EXOSC9: variants seen among roughly 807,000 people sequenced by gnomAD.
EXOSC9 encodes the protein exosome complex component RRP45.
Under a neutral mutation model 56.5 loss-of-function variants are expected in EXOSC9, and 38 were observed. The ratio of observed to expected loss-of-function variants is 0.67; its 90% CI spans 0.52 to 0.88. EXOSC9 has a LOEUF of 0.88. Ranked by LOEUF, EXOSC9 falls within the 40% of genes least tolerant of loss-of-function variation. EXOSC9 has a pLI of 0.00. For synonymous variants in EXOSC9, 170 were observed against 170.8 expected (o/e 0.99, Z 0.04); for missense variants, 559 against 530.5 (o/e 1.05, Z -0.53).
intron 7 of EXOSC9, among the ~76,000 whole-genome samples, chr4:121,810,390 A>AG (rs1333641111): frequency 1.3e-5 from 2 of 152,050 alleles, no homozygotes; most frequent in Non-Finnish European, 2.9e-5. Flanking sequence ...TAAAAAAAAA[A>AG]AAAAAGTGGC....
chr4:121,801,574 C>T (rs185180692), intron 1 of EXOSC9, 84 bp downstream of exon 1: 9 of 1,299,204 alleles, frequency 6.9e-6, no homozygotes, highest in East Asian at 2.3e-5. Flanking sequence ...CGCCTGGGCC[C>T]GGGGAGCTAC....
At position 121,813,951 on chromosome 4, in the gene EXOSC9, GAGA is replaced by G; in HGVS notation, c.1063_1065del (p.Lys355del). ...CTCCTGGGGTGATCTTGAAGACTCT[GAGA>G]AGGAAGATGATGAAGGCGGTGGTGA... On this transcript the variant is annotated inframe_deletion, in exon 10 of 12. Coordinates refer to ENST00000243498, the MANE Select transcript of EXOSC9 (RefSeq NM_005033.3). 1.2e-6 allele frequency: 2 copies of G among 1,613,696 alleles called. No homozygotes were observed. Among genetic ancestry groups the G allele is most frequent in the Non-Finnish European group, 1.7e-6 (2 of 1,179,674 alleles).
At chr4:121,810,149 A>G in intron 7 of EXOSC9, 50 bp downstream of exon 7, 1 of 1,543,456 alleles carries the variant, frequency 6.5e-7, no homozygotes, top group Non-Finnish European at 8.9e-7. Flanking sequence ...TTCTCTTTAG[A>G]TGCTTTTTCT....
chr4:121,815,918 C>G (rs981418379), intron 10 of EXOSC9: 1 of 1,212,972 alleles, frequency 8.2e-7, no homozygotes. Context: ...CAGATGAGTT[C>G]TAGAGTGCTC....
chr4:121,812,003 A>G (rs965787812), intron 8 of EXOSC9, among the ~76,000 whole-genome samples: 1 of 152,232 alleles, frequency 6.6e-6, no homozygotes, highest in Non-Finnish European at 1.5e-5. Flanking sequence ...TAACACAAGC[A>G]TTATTGATGC....
At position 121,816,846 on chromosome 4, in the gene EXOSC9, C is replaced by A; in HGVS notation, c.1310C>A (p.Ala437Asp). 6.3e-7 allele frequency: 1 copy of A among 1,587,568 alleles called. No homozygotes were observed. Among genetic ancestry groups the A allele is most frequent in the Non-Finnish European group, 8.6e-7 (1 of 1,164,276 alleles). ...KPVKRRKKKR[A>D]AN ...GTGAAAAGAAGAAAAAAGAAGAGAG[C>A]TGCCAATTAAAGCTAACAGTTGTAT... The change falls in exon 12 of 12, where the codon GCT becomes GAT. Residue 437 changes from alanine (A) to aspartate (D), a missense_variant. Physicochemically the swap from Ala to Asp is moderately radical, Grantham distance 126. Transcript: ENST00000243498.
chr4:121,805,614 A>G (rs1560623339), intron 5 of EXOSC9, among the ~76,000 whole-genome samples: 1 of 152,182 alleles, frequency 6.6e-6, no homozygotes, highest in Non-Finnish European at 1.5e-5. Flanking sequence ...GGGAGTTTAT[A>G]TAAGGAAGTG....
At chr4:121,815,150 G>C (rs1263409073) in intron 10 of EXOSC9, 1 of 156,962 alleles carries the variant, frequency 6.4e-6, no homozygotes, top group Non-Finnish European at 1.4e-5. Context: ...ACTTCTATTT[G>C]GTATTATTCT....
At chr4:121,814,108 TTATA>T in intron 10 of EXOSC9, 61 bp downstream of exon 10, 4 of 1,015,492 alleles carry the variant, frequency 3.9e-6, no homozygotes, top group Non-Finnish European at 5.9e-6. Context: ...TACCGTATAG[TTATA>T]TATATAATGC....
In EXOSC9 at chr4:121,802,709, C is replaced by G; in HGVS notation, c.197C>G (p.Pro66Arg). 1 of 1,614,034 alleles carries G rather than the reference C, an allele frequency of 6.2e-7. No homozygotes were observed. The highest frequency in any genetic ancestry group is 2.2e-5 in the East Asian group (1 of 44,872). Residue 66 changes from proline (P) to arginine (R), a missense_variant, in exon 3 of 12, where the codon CCA becomes CGA. By Grantham distance (103) the Pro-to-Arg change is moderately radical. Coordinates refer to ENST00000243498, the MANE Select transcript of EXOSC9 (RefSeq NM_005033.3). Reference sequence around the variant, plus strand: ...CAGGTTTCCTGTGAACTTGTGTCTCCAAAACTCAATCGGGCAACAGAAGGT... The same window carrying G: ...CAGGTTTCCTGTGAACTTGTGTCTCGAAAACTCAATCGGGCAACAGAAGGT... ...LGQVSCELVS[P>R]KLNRATEGIL...
At position 121,813,946 on chromosome 4, in the gene EXOSC9, ACT is replaced by A. The variant is rs750618265; in HGVS notation, c.1058_1059del (p.Ser353Ter). ...GAAAACTCCTGGGGTGATCTTGAAG[ACT>A]CTGAGAAGGAAGATGATGAAGGCGG... is the stretch of plus-strand genomic sequence containing the variant. On this transcript the variant is annotated frameshift_variant, in exon 10 of 12. Transcript: ENST00000243498. LOFTEE classifies it high-confidence loss of function. The A allele has an allele frequency of 5.6e-6, 9 of 1,613,386 alleles. No individual in the cohort carries two copies. Among genetic ancestry groups the A allele is most frequent in the African/African-American group, 4.0e-5 (3 of 74,832 alleles).
At chr4:121,815,730 A>T in intron 10 of EXOSC9, 1 of 988,034 alleles carries the variant, frequency 1.0e-6, no homozygotes, top group Non-Finnish European at 1.2e-6. Context: ...GGGTTCTTTT[A>T]TTTCTTGGAA....
In EXOSC9 at chr4:121,804,735, T is replaced by C. The variant is rs765216032; in HGVS notation, c.498T>C (p.Ser166=). 1 of 1,610,916 alleles carries C rather than the reference T, an allele frequency of 6.2e-7. No individual in the cohort carries two copies. The highest frequency in any genetic ancestry group is 1.1e-5 in the South Asian group (1 of 90,420). Residue 166 remains serine (S), a synonymous_variant, in exon 5 of 12, where the codon TCT becomes TCC. Coordinates refer to ENST00000243498, the MANE Select transcript of EXOSC9 (RefSeq NM_005033.3). ...GTCATTTCCGAAGACCTGATGTCTC[T>C]GTCCAAGGAGATGAAGTAACACTGG... ...ALCHFRRPDV[S]VQGDEVTLYT... is the part of the protein sequence containing the mutation.
chr4:121,815,962 C>T, intron 10 of EXOSC9: 1 of 1,237,410 alleles, frequency 8.1e-7, no homozygotes, highest in African/African-American at 1.6e-5. Flanking sequence ...ATTAAGCCTC[C>T]ACCTAGAGTT....
intron 6 of EXOSC9, among the ~76,000 whole-genome samples, chr4:121,808,077 T>C (rs935184449): frequency 1.3e-5 from 2 of 152,200 alleles, no homozygotes; most frequent in African/African-American, 4.8e-5. Flanking sequence ...AAAAATCTAA[T>C]GTTCTTAAGT....
intron 7 of EXOSC9, among the ~76,000 whole-genome samples, chr4:121,810,697 AAAAT>A (rs1185399813): frequency 2.6e-5 from 4 of 152,006 alleles, no homozygotes; most frequent in East Asian, 1.9e-4. Context: ...AATAAAAAAT[AAAAT>A]AAATAAATAA....
chr4:121,804,353 T>G (rs184482705), intron 4 of EXOSC9: 17 of 237,194 alleles, frequency 7.2e-5, no homozygotes, highest in Non-Finnish European at 1.1e-4. Flanking sequence ...AAAAATGTAA[T>G]TAGATTTGAG....
Position 121,801,379 on chromosome 4 carries a change from T to C in EXOSC9, c.-46T>C, listed in dbSNP as rs374041783. On this transcript the variant is annotated 5_prime_UTR_variant, in exon 1 of 12. Transcript: ENST00000243498. ...GCGCGCAAGGAAAGATCGGGTTCCGTTTTTCCCGCGGATTCTGGTGCCTGT... is the reference window on the plus strand; with the variant it reads ...GCGCGCAAGGAAAGATCGGGTTCCGCTTTTCCCGCGGATTCTGGTGCCTGT... 11 of 1,584,786 alleles carry C rather than the reference T, an allele frequency of 6.9e-6. No individual in the cohort carries two copies. The highest frequency in any genetic ancestry group is 6.7e-5 in the African/African-American group (5 of 74,278).
intron 11 of EXOSC9, 108 bp from the exon 12 acceptor site, chr4:121,816,664 A>G: frequency 8.7e-7 from 1 of 1,153,920 alleles, no homozygotes; most frequent in South Asian, 1.8e-5. Context: ...AGTCTTACTC[A>G]TAGCTGACAC....
Sources: allele counts gnomAD v4.1 joint callset (sites outside exome capture counted in the v4.1 genomes callset), GRCh38; gene constraint gnomAD v4.1.1; transcripts MANE v1.5; gene names NCBI Gene and HGNC (gene_info 2026-07-23, HGNC 2026-07-21).